The following INTS14 variants were observed in gnomAD, a reference collection of about 807,000 sequenced individuals.
The protein encoded by INTS14 is UPF0464 protein C15orf44.
INTS14 carries 27 observed loss-of-function variants against 56.9 expected under a neutral mutation model. That is an observed-to-expected ratio of 0.47 (90% CI 0.35 to 0.65). The LOEUF (loss-of-function observed/expected upper bound fraction) is 0.65, where lower values mean the gene tolerates loss of function less well. Ranked by LOEUF, INTS14 falls within the 30% of genes least tolerant of loss-of-function variation. The pLI is 0.00. For missense variants in INTS14, 517 were observed against 632.2 expected, an observed-to-expected ratio of 0.82 and a Z score of 1.95; for synonymous variants, 207 against 236.2, an observed-to-expected ratio of 0.88 and a Z score of 1.13.
intron 2 of INTS14, among the ~76,000 whole-genome samples, chr15:65,606,609 G>A (rs1006786839): frequency 5.9e-5 from 9 of 151,686 alleles, no homozygotes; most frequent in African/African-American, 2.2e-4. Context: ...AGGCACTGCT[G>A]GAAATATTAT....
intron 6 of INTS14, among the ~76,000 whole-genome samples, chr15:65,596,207 A>G (rs1445232834): frequency 1.3e-5 from 2 of 152,234 alleles, no homozygotes; most frequent in Non-Finnish European, 2.9e-5. Context: ...GAATAAAGCT[A>G]TTGTATTAAA....
chr15:65,589,991 T>C (rs553716377), intron 9 of INTS14, among the ~76,000 whole-genome samples: 50 of 152,300 alleles, frequency 3.3e-4, no homozygotes, highest in African/African-American at 1.2e-3. Context: ...TCTCTCTGTA[T>C]TATCTATTTC....
intron 9 of INTS14, chr15:65,586,855 C>T (rs1034791411): frequency 2.0e-5 from 3 of 152,122 alleles, no homozygotes; most frequent in African/African-American, 7.2e-5. Flanking sequence ...AATTGATCTT[C>T]CCAGTACTGA....
intron 6 of INTS14, among the ~76,000 whole-genome samples, chr15:65,596,622 G>C (rs1467231929): frequency 6.6e-6 from 1 of 152,126 alleles, no homozygotes; most frequent in Non-Finnish European, 1.5e-5. Flanking sequence ...CCAGGCTGGA[G>C]TGCAATGGCG....
At chr15:65,581,016 G>GGAGGCCGAGGCGA (rs1277973015) in intron 11 of INTS14, among the ~76,000 whole-genome samples, 9 of 152,158 alleles carry the variant, frequency 5.9e-5, no homozygotes, top group Non-Finnish European at 1.3e-4. Flanking sequence ...CAGCACTTTG[G>GGAGGCCGAGGCGA]GTGGATCACC....
Position 65,581,913 on chromosome 15 carries a change from G to A in INTS14, c.1305+41C>T, listed in dbSNP as rs571113868. On this transcript the variant is annotated intron_variant, in intron 11 of 11. Transcript: ENST00000313182. ...TGCCATCTCACAGTTTTACTGTCGT[G>A]AACCATATATTTTGGGCACATCCTC... 1.0e-5 allele frequency: 16 copies of A among 1,597,170 alleles called. No individual in the cohort carries two copies. The South Asian group carries it at 1.4e-4, about 14-fold the overall frequency.
At chr15:65,579,694 A>G in intron 11 of INTS14, 35 bp from the exon 12 acceptor site, 1 of 1,600,238 alleles carries the variant, frequency 6.2e-7, no homozygotes, top group Non-Finnish European at 8.5e-7. Context: ...ATGCTCCTGA[A>G]ATGTGTTCCT....
At chr15:65,610,956 C>T (rs1044833824) in intron 1 of INTS14, 142 bp downstream of exon 1, 1 of 1,476,966 alleles carries the variant, frequency 6.8e-7, no homozygotes, top group African/African-American at 1.4e-5. Context: ...GGAACTGGCG[C>T]CTCACAGACA....
At chr15:65,593,999 T>C (rs2073123000) in intron 7 of INTS14, among the ~76,000 whole-genome samples, 1 of 152,198 alleles carries the variant, frequency 6.6e-6, no homozygotes, top group African/African-American at 2.4e-5. Flanking sequence ...ATGTGAATTA[T>C]ATCTCAGTAA....
intron 3 of INTS14, among the ~76,000 whole-genome samples, chr15:65,603,062 C>T (rs2073499660): frequency 6.6e-6 from 1 of 152,136 alleles, no homozygotes; most frequent in Non-Finnish European, 1.5e-5. Context: ...ATACTGACAA[C>T]AAAACTTCAT....
At chr15:65,609,066 C>T (rs759112281) in intron 1 of INTS14, among the ~76,000 whole-genome samples, 4 of 152,166 alleles carry the variant, frequency 2.6e-5, no homozygotes, top group African/African-American at 7.2e-5. Flanking sequence ...ACTACAGGCG[C>T]GTGTCACCAC....
At chr15:65,610,593 C>T (rs2073879974) in intron 1 of INTS14, 2 of 1,388,962 alleles carry the variant, frequency 1.4e-6, no homozygotes, top group Admixed American at 2.0e-5. Flanking sequence ...TGTAATTCTT[C>T]CCTGAAGGTG....
At chr15:65,609,436 T>C (rs1474633166) in intron 1 of INTS14, among the ~76,000 whole-genome samples, 1 of 151,558 alleles carries the variant, frequency 6.6e-6, no homozygotes, top group Non-Finnish European at 1.5e-5. Flanking sequence ...CAATATTGGT[T>C]CAACTACACT....
intron 9 of INTS14, among the ~76,000 whole-genome samples, chr15:65,589,281 C>T (rs1472525923): frequency 6.6e-6 from 1 of 152,182 alleles, no homozygotes; most frequent in Admixed American, 6.5e-5. Flanking sequence ...CCTCCGCCCC[C>T]TGAGTAACTG....
At chr15:65,591,559 A>C in intron 9 of INTS14, 39 bp downstream of exon 9, 1 of 1,603,636 alleles carries the variant, frequency 6.2e-7, no homozygotes, top group Non-Finnish European at 8.5e-7. Context: ...GCAGAATGAA[A>C]ACAAAGTCAG....
At chr15:65,609,693 C>T (rs960497786) in intron 1 of INTS14, among the ~76,000 whole-genome samples, 1 of 152,208 alleles carries the variant, frequency 6.6e-6, no homozygotes, top group African/African-American at 2.4e-5. Flanking sequence ...ATATGGGGGA[C>T]TCCCTCACGT....
At chr15:65,611,043 T>C (rs1218519787) in intron 1 of INTS14, 55 bp downstream of exon 1, 1 of 1,535,280 alleles carries the variant, frequency 6.5e-7, no homozygotes, top group Admixed American at 2.0e-5. Context: ...CCCCTTCACC[T>C]GTAACCCCAA....
In INTS14 at chr15:65,584,831, G is replaced by A; in HGVS notation, c.1178C>T (p.Pro393Leu). ...DDNKSPFPLQ[P>L]KNKRSYAQNV... ...CTGGGCATAACTGCGTTTGTTTTTG[G>A]GCTGCAGGGGGAATGGACTCTTATT... The change falls in exon 10 of 12, where the codon CCC (proline) becomes CTC (leucine). Residue 393 changes from proline to leucine, a missense_variant. Physicochemically the swap from Pro to Leu is moderately conservative, Grantham distance 98. Coordinates refer to ENST00000313182, the MANE Select transcript of INTS14 (RefSeq NM_001394796.1). 6.2e-7 allele frequency: 1 copy of A among 1,613,430 alleles called. No individual in the cohort carries two copies. Among genetic ancestry groups the A allele is most frequent in the Non-Finnish European group, 8.5e-7 (1 of 1,179,684 alleles).
chr15:65,600,005 A>G (rs990914865), intron 3 of INTS14, 76 bp from the exon 4 acceptor site: 48 of 1,485,086 alleles, frequency 3.2e-5, no homozygotes, highest in Non-Finnish European at 4.2e-5. Context: ...CAGTGTTTTC[A>G]CTGCTAGAAA....
Sources: gnomAD v4.1 joint callset for allele counts (sites outside exome capture counted in the v4.1 genomes callset) on GRCh38, gnomAD v4.1.1 for gene constraint, MANE v1.5 for transcripts, NCBI Gene and HGNC (gene_info 2026-07-23, HGNC 2026-07-21) for gene names.